CCDC148: variants seen among roughly 807,000 people sequenced by gnomAD.
CCDC148 encodes coiled-coil domain-containing protein 148.
Under a neutral mutation model 85.7 loss-of-function variants are expected in CCDC148, and 89 were observed. The observed-to-expected ratio is 1.04, with a 90% CI of 0.87 to 1.24. CCDC148 has a LOEUF of 1.24. Ranked by LOEUF, CCDC148 falls within the 50% of genes most tolerant of loss-of-function variation. The probability of loss-of-function intolerance (pLI) is 0.00; values close to 1 mark genes in which losing one functional copy is unlikely to be tolerated. For synonymous variants in CCDC148, 230 were observed against 213.9 expected (o/e 1.08, Z -0.66); for missense variants, 692 against 671.7 (o/e 1.03, Z -0.33).
intron 1 of CCDC148, among the ~76,000 whole-genome samples, chr2:158,401,584 C>T (rs188184711): frequency 6.6e-6 from 1 of 152,072 alleles, no homozygotes; most frequent in East Asian, 1.9e-4. Context: ...GGAGAAAATA[C>T]CTAATGTAAA....
At chr2:158,259,418 T>A (rs139610664) in intron 9 of CCDC148, among the ~76,000 whole-genome samples, 2 of 151,890 alleles carry the variant, frequency 1.3e-5, no homozygotes, top group African/African-American at 2.4e-5. Context: ...CGGCACCTGA[T>A]AGATGCTCAA....
At chr2:158,454,496 A>T (rs1221751971) in intron 1 of CCDC148, among the ~76,000 whole-genome samples, 1 of 152,256 alleles carries the variant, frequency 6.6e-6, no homozygotes, top group Non-Finnish European at 1.5e-5. Context: ...TGTGAAAACT[A>T]GGACTGAGGT....
intron 7 of CCDC148, among the ~76,000 whole-genome samples, chr2:158,318,664 G>C (rs1475091224): frequency 6.6e-6 from 1 of 151,904 alleles, no homozygotes; most frequent in Non-Finnish European, 1.5e-5. Flanking sequence ...TAGAATAGTA[G>C]GGATGATGGC....
At chr2:158,223,570 C>A (rs548446611) in intron 10 of CCDC148, among the ~76,000 whole-genome samples, 1 of 152,214 alleles carries the variant, frequency 6.6e-6, no homozygotes, top group Non-Finnish European at 1.5e-5. Flanking sequence ...AGGCACCCCC[C>A]AGTAGGGGCA....
At chr2:158,196,403 C>T (rs147474304) in intron 11 of CCDC148, among the ~76,000 whole-genome samples, 28 of 152,236 alleles carry the variant, frequency 1.8e-4, no homozygotes, top group Non-Finnish European at 3.4e-4. Flanking sequence ...CAGAAATCAG[C>T]ACGTGCTGAA....
chr2:158,396,367 C>A (rs1183855351), intron 1 of CCDC148, among the ~76,000 whole-genome samples: 1 of 152,034 alleles, frequency 6.6e-6, no homozygotes, highest in Non-Finnish European at 1.5e-5. Context: ...CCAGTCCCCA[C>A]CATGCCTCAT....
chr2:158,230,581 T>C (rs1488481104), intron 10 of CCDC148, among the ~76,000 whole-genome samples: 2 of 152,128 alleles, frequency 1.3e-5, no homozygotes, highest in Admixed American at 6.6e-5. Flanking sequence ...TTAGATGATT[T>C]GGCCAGGATT....
At chr2:158,438,236 C>T (rs1687758663) in intron 1 of CCDC148, among the ~76,000 whole-genome samples, 1 of 152,000 alleles carries the variant, frequency 6.6e-6, no homozygotes, top group African/African-American at 2.4e-5. Context: ...ACTACAAGGC[C>T]TCAGTAACCA....
chr2:158,271,869 G>A (rs1286284741), intron 9 of CCDC148, among the ~76,000 whole-genome samples: 1 of 152,064 alleles, frequency 6.6e-6, no homozygotes, highest in Non-Finnish European at 1.5e-5. Context: ...TAAACAACAT[G>A]CCTTAAAACC....
chr2:158,311,349 CA>C (rs1692003322), intron 8 of CCDC148, among the ~76,000 whole-genome samples: 1 of 152,240 alleles, frequency 6.6e-6, no homozygotes. Flanking sequence ...CGCGAGCCTG[CA>C]ATCCCATGCA....
chr2:158,378,691 T>C (rs1684753432), intron 1 of CCDC148, among the ~76,000 whole-genome samples: 1 of 152,148 alleles, frequency 6.6e-6, no homozygotes, highest in South Asian at 2.1e-4. Flanking sequence ...TTTACCATTC[T>C]GAAAATCCTG....
At chr2:158,365,334 C>G (rs1213385052) in intron 1 of CCDC148, among the ~76,000 whole-genome samples, 16 of 152,136 alleles carry the variant, frequency 1.1e-4, no homozygotes, top group Non-Finnish European at 1.5e-5. Context: ...ATAAATCATT[C>G]TACTATAAAG....
At chr2:158,202,740 A>G (rs934397955) in intron 11 of CCDC148, among the ~76,000 whole-genome samples, 2 of 152,226 alleles carry the variant, frequency 1.3e-5, no homozygotes, top group African/African-American at 4.8e-5. Flanking sequence ...TACACAACAC[A>G]AATTCTTTTT....
Position 158,415,872 on chromosome 2 carries a change from T to C in CCDC148, c.25+40543A>G, listed in dbSNP as rs1009301692. Among the ~76,000 whole-genome samples the C allele has an allele frequency of 3.9e-5, 6 of 152,208 alleles. No individual in the cohort carries two copies. The South Asian group carries it at 1.2e-3, about 31-fold the overall frequency. ...CTCACAGCTCCACTATGCAGTGCCC[T>C]AGTGGGGACTCTGTGTGGGGGCTCC... On this transcript the variant is annotated intron_variant, in intron 1 of 13. Transcript: ENST00000283233.
intron 13 of CCDC148, among the ~76,000 whole-genome samples, chr2:158,172,872 G>A (rs561941871): frequency 5.3e-4 from 81 of 152,082 alleles, no homozygotes; most frequent in African/African-American, 1.9e-3. Flanking sequence ...CTCCTCCTAT[G>A]AATATTAAAT....
chr2:158,321,182 G>C (rs1692504003), intron 7 of CCDC148, among the ~76,000 whole-genome samples: 1 of 152,124 alleles, frequency 6.6e-6, no homozygotes, highest in Non-Finnish European at 1.5e-5. Context: ...TAAAGGAAGA[G>C]TATAAAACCA....
At chr2:158,371,564 T>C (rs1337393118) in intron 1 of CCDC148, among the ~76,000 whole-genome samples, 1 of 151,986 alleles carries the variant, frequency 6.6e-6, no homozygotes, top group Non-Finnish European at 1.5e-5. Context: ...TACTTATATA[T>C]ATCCAATTTT....
intron 9 of CCDC148, among the ~76,000 whole-genome samples, chr2:158,280,926 T>G (rs1690256348): frequency 1.3e-5 from 2 of 152,020 alleles, no homozygotes; most frequent in South Asian, 4.1e-4. Context: ...TAACAAACTA[T>G]CTCTCAGACC....
intron 2 of CCDC148, among the ~76,000 whole-genome samples, chr2:158,351,761 C>G (rs1436633906): frequency 6.6e-6 from 1 of 152,122 alleles, no homozygotes; most frequent in Non-Finnish European, 1.5e-5. Flanking sequence ...GTAGGCTCCA[C>G]CTCTGGGGGC....
Sources: gnomAD v4.1 joint callset for allele counts (sites outside exome capture counted in the v4.1 genomes callset) on GRCh38, gnomAD v4.1.1 for gene constraint, MANE v1.5 for transcripts, NCBI Gene and HGNC (gene_info 2026-07-23, HGNC 2026-07-21) for gene names.